Variants in LY86 observed in about 807,000 individuals in gnomAD.
LY86 encodes the protein lymphocyte antigen 86.
LY86 carries 20 observed loss-of-function variants against 17.3 expected under a neutral mutation model. The observed-to-expected ratio is 1.15, with a 90% CI of 0.81 to 1.68. LY86 has a LOEUF of 1.68. LY86 is among the 40% of genes most tolerant of loss of function. LY86 has a pLI of 0.00. For synonymous variants in LY86, 74 were observed against 70.6 expected, an observed-to-expected ratio of 1.05 and a Z score of -0.24; for missense variants, 200 against 191.9, an observed-to-expected ratio of 1.04 and a Z score of -0.25.
intron 1 of LY86, among the ~76,000 whole-genome samples, chr6:6,618,316 T>G (rs6934234): frequency 0.34 from 51,356 of 152,108 alleles, 8,772 homozygotes; most frequent in Middle Eastern, 0.45. Flanking sequence ...TCTCCTCCTA[T>G]GCTGATAGAA....
At chr6:6,640,677 C>T (rs1009934508) in intron 3 of LY86, among the ~76,000 whole-genome samples, 4 of 151,668 alleles carry the variant, frequency 2.6e-5, no homozygotes, top group Non-Finnish European at 4.4e-5. Context: ...CACACCATTG[C>T]ACTGCAGCCC....
intron 3 of LY86, among the ~76,000 whole-genome samples, chr6:6,646,513 T>C (rs1048372658): frequency 2.6e-4 from 40 of 152,112 alleles, no homozygotes; most frequent in Middle Eastern, 3.2e-3. Flanking sequence ...AACCACCATC[T>C]CTTATGTCAA....
chr6:6,605,931 A>G (rs1761119175), intron 1 of LY86, among the ~76,000 whole-genome samples: 1 of 152,134 alleles, frequency 6.6e-6, no homozygotes, highest in African/African-American at 2.4e-5. Flanking sequence ...GCAGACCTTC[A>G]CAGTATGGGT....
chr6:6,600,842 G>A (rs1230644526), intron 1 of LY86, among the ~76,000 whole-genome samples: 3 of 152,168 alleles, frequency 2.0e-5, no homozygotes, highest in Non-Finnish European at 4.4e-5. Flanking sequence ...GGAAGCATGA[G>A]GAGCCTCAAG....
At chr6:6,639,311 G>A (rs1762005688) in intron 3 of LY86, among the ~76,000 whole-genome samples, 1 of 151,652 alleles carries the variant, frequency 6.6e-6, no homozygotes, top group Admixed American at 6.6e-5. Flanking sequence ...GCCCTTTGTG[G>A]TGAGCACAAA....
At chr6:6,606,819 C>T (rs756430380) in intron 1 of LY86, among the ~76,000 whole-genome samples, 1 of 152,272 alleles carries the variant, frequency 6.6e-6, no homozygotes, top group Non-Finnish European at 1.5e-5. Flanking sequence ...TCCACACCAC[C>T]CCGCAAGCTG....
intron 1 of LY86, among the ~76,000 whole-genome samples, chr6:6,619,432 A>G (rs1761625121): frequency 6.6e-6 from 1 of 152,162 alleles, no homozygotes; most frequent in Admixed American, 6.5e-5. Context: ...TTAAACAACC[A>G]TCCAGTACTG....
chr6:6,645,879 G>C (rs552103945), intron 3 of LY86, among the ~76,000 whole-genome samples: 1 of 151,986 alleles, frequency 6.6e-6, no homozygotes, highest in African/African-American at 2.4e-5. Context: ...AAGAAAGCTG[G>C]AACACCAGGC....
chr6:6,598,231 T>A (rs9504861), intron 1 of LY86, among the ~76,000 whole-genome samples: 2,350 of 152,334 alleles, frequency 0.015, 51 homozygotes, highest in African/African-American at 0.051. Flanking sequence ...CAGATTTTTT[T>A]AATTTGTCTT....
At position 6,613,511 on chromosome 6, in the gene LY86, C is replaced by T. The variant is rs555835661; in HGVS notation, c.137-11415C>T. The stretch of plus-strand genomic sequence containing the variant: ...CCCAGGTGCTAAGCTCCTCACTGCC[C>T]GGGGCTTGCTGTCAGGCCGGCCGCT... On this transcript the variant is annotated intron_variant, in intron 1 of 4. Transcript: ENST00000230568. 1.7e-3 allele frequency among the ~76,000 whole-genome samples: 253 copies of T among 152,300 alleles called. 1 individual carries two copies. Among genetic ancestry groups the T allele is most frequent in the Non-Finnish European group, 2.5e-3 (172 of 68,002 alleles).
At chr6:6,612,334 G>C (rs555314888) in intron 1 of LY86, among the ~76,000 whole-genome samples, 1 of 152,136 alleles carries the variant, frequency 6.6e-6, no homozygotes, top group Non-Finnish European at 1.5e-5. Context: ...GCAGACCCTC[G>C]CAGTAAGCAT....
chr6:6,643,558 A>G (rs994612587), intron 3 of LY86, among the ~76,000 whole-genome samples: 2 of 152,220 alleles, frequency 1.3e-5, no homozygotes, highest in African/African-American at 4.8e-5. Context: ...CAGTTAGAGG[A>G]TGAGTAAGTT....
At chr6:6,629,568 G>T (rs1761867980) in intron 3 of LY86, among the ~76,000 whole-genome samples, 1 of 152,248 alleles carries the variant, frequency 6.6e-6, no homozygotes, top group African/African-American at 2.4e-5. Context: ...GCACATTGTG[G>T]TGTCACTGGC....
At chr6:6,591,071 T>G (rs3804465) in intron 1 of LY86, 55,508 of 153,562 alleles carry the variant, frequency 0.36, 10,121 homozygotes, top group East Asian at 0.53. Context: ...AAGCAAGATG[T>G]GAGATAAATG....
chr6:6,631,305 C>T (rs938645707), intron 3 of LY86, among the ~76,000 whole-genome samples: 12 of 152,122 alleles, frequency 7.9e-5, no homozygotes, highest in African/African-American at 2.4e-4. Context: ...GTCTAACTTA[C>T]CCAAGGTCAC....
intron 3 of LY86, among the ~76,000 whole-genome samples, chr6:6,637,693 G>A (rs999287825): frequency 2.6e-5 from 4 of 152,162 alleles, no homozygotes; most frequent in Non-Finnish European, 4.4e-5. Flanking sequence ...CCCTGAGTGT[G>A]TGAGCCCGGA....
intron 1 of LY86, among the ~76,000 whole-genome samples, chr6:6,610,545 G>A (rs12211040): frequency 4.2e-5 from 6 of 142,674 alleles, no homozygotes; most frequent in East Asian, 1.9e-4. Flanking sequence ...GGAAGCTTAG[G>A]GGGGGGCAAG....
At chr6:6,600,847 C>T (rs1760885969) in intron 1 of LY86, among the ~76,000 whole-genome samples, 1 of 152,174 alleles carries the variant, frequency 6.6e-6, no homozygotes, top group African/African-American at 2.4e-5. Flanking sequence ...CATGAGGAGC[C>T]TCAAGTCTCC....
chr6:6,632,361 A>G (rs1761909221), intron 3 of LY86, among the ~76,000 whole-genome samples: 2 of 152,206 alleles, frequency 1.3e-5, no homozygotes. Context: ...TGCATCTATC[A>G]AATGAGAGTG....
Sources: allele counts gnomAD v4.1 joint callset (sites outside exome capture counted in the v4.1 genomes callset), GRCh38; gene constraint gnomAD v4.1.1; transcripts MANE v1.5; gene names NCBI Gene and HGNC (gene_info 2026-07-23, HGNC 2026-07-21).